The following WDR72 variants were observed in gnomAD, a reference collection of about 807,000 sequenced individuals.
WDR72 encodes the protein WD repeat-containing protein 72.
A neutral mutation model predicts 124.2 loss-of-function variants in WDR72; 120 were observed. The observed-to-expected ratio is 0.97, with a 90% CI of 0.83 to 1.12. WDR72 has a LOEUF of 1.12. Among genes scored for constraint, WDR72 ranks in the 50% most tolerant of loss-of-function variants. The probability of loss-of-function intolerance (pLI) is 0.00; values close to 1 mark genes in which losing one functional copy is unlikely to be tolerated. For synonymous variants in WDR72, 452 were observed against 441.7 expected (o/e 1.02, Z -0.29); for missense variants, 1,387 against 1,278.8 (o/e 1.08, Z -1.29).
intron 14 of WDR72, among the ~76,000 whole-genome samples, chr15:53,622,339 C>A (rs1430587328): frequency 6.6e-6 from 1 of 152,018 alleles, no homozygotes; most frequent in Non-Finnish European, 1.5e-5. Flanking sequence ...ATGTTCATTG[C>A]AGCACTAGTC....
chr15:53,732,625 G>A (rs554981811), intron 2 of WDR72, among the ~76,000 whole-genome samples: 4 of 152,206 alleles, frequency 2.6e-5, no homozygotes, highest in East Asian at 3.9e-4. Context: ...TTAGTTAATC[G>A]TGGCTTTCAA....
chr15:53,615,963 T>G lies in WDR72; in HGVS notation c.2243A>C (p.Glu748Ala), dbSNP rs768544774. 1.9e-6 allele frequency: 3 copies of G among 1,613,360 alleles called. No homozygotes were observed. Among genetic ancestry groups the G allele is most frequent in the Non-Finnish European group, 2.5e-6 (3 of 1,179,606 alleles). ...SAEALAKPIT[E>A]SLAQGDNTIK... Reference sequence around the variant, plus strand: ...GGTATTATCTCCTTGGGCCAGGCTTTCAGTAATAGGCTTGGCTAGTGCCTC... The same window carrying G: ...GGTATTATCTCCTTGGGCCAGGCTTGCAGTAATAGGCTTGGCTAGTGCCTC... Residue 748 changes from glutamate to alanine, a missense_variant, in exon 15 of 20, where the codon GAA (glutamate) becomes GCA (alanine). Coordinates refer to ENST00000360509, the MANE Select transcript of WDR72 (RefSeq NM_182758.4).
intron 13 of WDR72, among the ~76,000 whole-genome samples, chr15:53,668,235 A>T (rs1415176909): frequency 6.6e-6 from 1 of 152,256 alleles, no homozygotes; most frequent in African/African-American, 2.4e-5. Flanking sequence ...AAAATAGTTT[A>T]AAAAATAATG....
At chr15:53,567,471 T>A (rs951706643) in intron 18 of WDR72, among the ~76,000 whole-genome samples, 1 of 151,982 alleles carries the variant, frequency 6.6e-6, no homozygotes, top group African/African-American at 2.4e-5. Flanking sequence ...ACCCTGTTTT[T>A]CAAAGGGACT....
At chr15:53,714,236 A>AG (rs2017639801) in intron 6 of WDR72, among the ~76,000 whole-genome samples, 198 bp downstream of exon 6, 1 of 151,836 alleles carries the variant, frequency 6.6e-6, no homozygotes, top group African/African-American at 2.4e-5. Flanking sequence ...CATGGAGAAA[A>AG]GGTTGGAAGG....
chr15:53,726,754 G>A (rs1034425947), intron 2 of WDR72, among the ~76,000 whole-genome samples: 15 of 152,078 alleles, frequency 9.9e-5, no homozygotes, highest in African/African-American at 3.4e-4. Flanking sequence ...TAAGGTGGAA[G>A]AATCGCTTGA....
chr15:53,700,083 G>C (rs1402478700), intron 12 of WDR72, 138 bp from the exon 13 acceptor site: 45 of 962,286 alleles, frequency 4.7e-5, no homozygotes, highest in Non-Finnish European at 6.7e-5. Flanking sequence ...GCTTTCTACA[G>C]CACCTTTCAT....
In WDR72 at chr15:53,575,182, GAACTCAAC is replaced by G. The variant is rs1566966693; in HGVS notation, c.3148+21889_3148+21896del. On this transcript the variant is annotated intron_variant, in intron 18 of 19. Coordinates refer to ENST00000360509, the MANE Select transcript of WDR72 (RefSeq NM_182758.4). ...TGAGTACTACCATATCGTATGTTCC[GAACTCAAC>G]ATAAGGGTCACTACTGATGGCATTT... Among the ~76,000 whole-genome samples, 5 of 151,752 alleles carry G rather than the reference GAACTCAAC, an allele frequency of 3.3e-5. No individual in the cohort carries two copies. In the South Asian group the frequency reaches 1.0e-3, roughly 31 times the overall value.
intron 14 of WDR72, 93 bp downstream of exon 14, chr15:53,665,479 G>GA: frequency 7.2e-7 from 1 of 1,397,010 alleles, no homozygotes; most frequent in Non-Finnish European, 1.0e-6. Context: ...TTGTTTTCAT[G>GA]CTGATACTTA....
chr15:53,671,172 C>G (rs2015973941), intron 13 of WDR72, among the ~76,000 whole-genome samples: 1 of 152,142 alleles, frequency 6.6e-6, no homozygotes, highest in Non-Finnish European at 1.5e-5. Context: ...ACCTAAACTC[C>G]CTGACCAAGA....
At chr15:53,693,822 C>T (rs936296364) in intron 13 of WDR72, among the ~76,000 whole-genome samples, 3 of 152,156 alleles carry the variant, frequency 2.0e-5, no homozygotes, top group African/African-American at 7.2e-5. Flanking sequence ...TGTTTCAATG[C>T]TCTGTACAAA....
chr15:53,699,734 TA>T lies in WDR72; in HGVS notation c.1765+15del. 6.2e-7 allele frequency: 1 copy of T among 1,613,216 alleles called. No individual in the cohort carries two copies. The highest frequency in any genetic ancestry group is 8.5e-7 in the Non-Finnish European group (1 of 1,179,204). On this transcript the variant is annotated intron_variant, in intron 13 of 19. Transcript: ENST00000360509. ...ATAAATATATAAAGAATGAAAGGGA[TA>T]AAATTTCAACTTACCTGTTTCAATT... is the stretch of plus-strand genomic sequence containing the variant.
chr15:53,655,452 G>A (rs2015388799), intron 14 of WDR72, among the ~76,000 whole-genome samples: 1 of 151,888 alleles, frequency 6.6e-6, no homozygotes, highest in African/African-American at 2.4e-5. Flanking sequence ...TTTCTCATTT[G>A]AGCCTCAAGA....
intron 13 of WDR72, chr15:53,684,125 T>C (rs1188674045): frequency 2.0e-5 from 3 of 152,120 alleles, no homozygotes; most frequent in Non-Finnish European, 2.9e-5. Context: ...AAAGAAAACA[T>C]TGCAGGTATA....
At chr15:53,519,246 A>G (rs956364329) in intron 19 of WDR72, among the ~76,000 whole-genome samples, 2 of 152,108 alleles carry the variant, frequency 1.3e-5, no homozygotes, top group Admixed American at 1.3e-4. Flanking sequence ...AAGAATGAAA[A>G]ACAAGCTTTA....
At chr15:53,659,782 T>C (rs2015548786) in intron 14 of WDR72, among the ~76,000 whole-genome samples, 1 of 152,062 alleles carries the variant, frequency 6.6e-6, no homozygotes, top group Admixed American at 6.6e-5. Context: ...ACTCTTATGG[T>C]AAACAGTTAT....
chr15:53,589,127 C>A, intron 18 of WDR72, among the ~76,000 whole-genome samples: 1 of 151,856 alleles, frequency 6.6e-6, no homozygotes, highest in East Asian at 1.9e-4. Context: ...CAGATCATGA[C>A]AAAGTGAGCA....
chr15:53,640,075 C>G (rs545854997), intron 14 of WDR72, among the ~76,000 whole-genome samples: 2 of 152,228 alleles, frequency 1.3e-5, no homozygotes, highest in South Asian at 4.1e-4. Flanking sequence ...TAAAAACTAG[C>G]ACACTTTTAA....
intron 1 of WDR72, among the ~76,000 whole-genome samples, chr15:53,755,801 A>G (rs138115788): frequency 3.9e-5 from 6 of 152,334 alleles, no homozygotes; most frequent in Admixed American, 3.9e-4. Context: ...GAGATCAAGA[A>G]GAGTTTCTCC....
Sources: gnomAD v4.1 joint callset for allele counts (sites outside exome capture counted in the v4.1 genomes callset) on GRCh38, gnomAD v4.1.1 for gene constraint, MANE v1.5 for transcripts, NCBI Gene and HGNC (gene_info 2026-07-23, HGNC 2026-07-21) for gene names.